Variants in PLXNB2 observed in about 807,000 individuals in gnomAD.
PLXNB2 encodes the protein plexin-B2.
A neutral mutation model predicts 202.6 loss-of-function variants in PLXNB2; 85 were observed. The ratio of observed to expected loss-of-function variants is 0.42; its 90% CI spans 0.35 to 0.50. The LOEUF (loss-of-function observed/expected upper bound fraction) is 0.50. Among genes scored for constraint, PLXNB2 ranks in the 20% least tolerant of loss-of-function variants. PLXNB2 has a pLI of 0.02. For synonymous variants in PLXNB2, 1,239 were observed against 1,137.6 expected, an observed-to-expected ratio of 1.09 and a Z score of -1.79; for missense variants, 2,063 against 2,586.2, an observed-to-expected ratio of 0.80 and a Z score of 4.39.
intron 26 of PLXNB2, 98 bp from the exon 27 acceptor site, chr22:50,279,874 G>A (rs951312416): frequency 5.4e-6 from 8 of 1,489,184 alleles, no homozygotes; most frequent in African/African-American, 1.4e-5. Context: ...GGCTGACCAT[G>A]TCAGGGGCAG....
intron 20 of PLXNB2, 43 bp downstream of exon 20, chr22:50,281,811 G>A (rs2066012513): frequency 2.5e-6 from 4 of 1,590,682 alleles, no homozygotes; most frequent in Non-Finnish European, 3.4e-6. Context: ...TCTCAGCCCA[G>A]ACCCGAGCAG....
At position 50,289,824 on chromosome 22, in the gene PLXNB2, G is replaced by A. The variant is rs1255644373; in HGVS notation, c.761C>T (p.Pro254Leu). 6.2e-7 allele frequency: 1 copy of A among 1,613,290 alleles called. No individual in the cohort carries two copies. Among genetic ancestry groups the A allele is most frequent in the South Asian group, 1.1e-5 (1 of 91,092 alleles). The change falls in exon 3 of 37, where the codon CCC becomes CTC. Residue 254 changes from proline (P) to leucine (L), a missense_variant. Physicochemically the swap from Pro to Leu is moderately conservative, Grantham distance 98. Around this residue, in one of 2 missense-constraint regions of PLXNB2, gnomAD observed 1,303 missense variants for 1,476.8 expected, o/e 0.88. Transcript: ENST00000359337. The surrounding 1 kb of genome is among the most constrained non-coding windows in gnomAD (Gnocchi z 8.0). ...CATCTCCAGGTAGGAGTAGTAGTTG[G>A]GGTCTTCTCTGCACATGCGTGCCAG... is the stretch of plus-strand genomic sequence containing the variant. Reference protein sequence around the residue: ...TLLARMCREDPNYYSYLEMDL... With the variant: ...TLLARMCREDLNYYSYLEMDL...
At chr22:50,279,984 C>T (rs1289816544) in intron 26 of PLXNB2, 21 bp downstream of exon 26, 1 of 1,584,198 alleles carries the variant, frequency 6.3e-7, no homozygotes, top group Non-Finnish European at 8.6e-7. Context: ...CAAGCCCCAG[C>T]CAGGCTGGGG....
At position 50,275,333 on chromosome 22, in the gene PLXNB2, C is replaced by T; in HGVS notation, c.*371G>A. The T allele has an allele frequency of 2.2e-6, 1 of 457,350 alleles. No individual in the cohort carries two copies. The highest frequency in any genetic ancestry group is 4.4e-6 in the Non-Finnish European group (1 of 229,648). 28.3% of individuals were successfully genotyped at this position (457,350 alleles called of 1,614,324 possible). On this transcript the variant is annotated 3_prime_UTR_variant, in exon 37 of 37. Transcript: ENST00000359337. Reference sequence around the variant, plus strand: ...CTGGGGGCCACAGGCCCTCAGATCCCCCAGGGGCCCAACCTAGGGCATGGA... The same window carrying T: ...CTGGGGGCCACAGGCCCTCAGATCCTCCAGGGGCCCAACCTAGGGCATGGA...
rs1022211560 is a variant in PLXNB2, at chr22:50,275,757, A to G, written c.5464T>C (p.Phe1822Leu). ...GCAGCGGCAATCTGCTGCAGGCGGA[A>G]GGCCAGCTGCATCTTCTGGGCGGCA... ...DPAAQKMQLA[F>L]RLQQIAAALE... Residue 1822 changes from phenylalanine (F) to leucine (L), a missense_variant, in exon 37 of 37, where the codon TTC becomes CTC. Phe to Leu is a conservative substitution (Grantham distance 22, BLOSUM62 0). Coordinates refer to ENST00000359337, the MANE Select transcript of PLXNB2 (RefSeq NM_012401.4). 6.2e-7 allele frequency: 1 copy of G among 1,612,256 alleles called. No individual in the cohort carries two copies. Among genetic ancestry groups the G allele is most frequent in the African/African-American group, 1.3e-5 (1 of 74,904 alleles).
intron 1 of PLXNB2, among the ~76,000 whole-genome samples, chr22:50,300,715 G>A (rs1347543319): frequency 6.6e-6 from 1 of 152,186 alleles, no homozygotes; most frequent in South Asian, 2.1e-4. Context: ...TTCCTACTTA[G>A]GGCCAGCCTC....
At chr22:50,287,880 A>G (rs1297155812) in intron 6 of PLXNB2, 57 bp downstream of exon 6, 20 of 1,587,958 alleles carry the variant, frequency 1.3e-5, no homozygotes, top group Non-Finnish European at 1.5e-5. Flanking sequence ...GACCCAGGCC[A>G]CGACCTTCCG....
rs1013814173 is a variant in PLXNB2 at position 50,297,214 on chromosome 22, G to A, written c.-73-2436C>T. Among the ~76,000 whole-genome samples the A allele has an allele frequency of 5.9e-5, 9 of 152,110 alleles. No individual in the cohort carries two copies. Among genetic ancestry groups the A allele is most frequent in the African/African-American group, 1.9e-4 (8 of 41,412 alleles). On this transcript the variant is annotated intron_variant, in intron 1 of 36. Transcript: ENST00000359337. The surrounding 1 kb of genome is among the most constrained non-coding windows in gnomAD (Gnocchi z 5.3). ...TGCCATCTTGAAGGGACGCCACACCGGCCTGTGTGCCCCATGCCCACTCCC... is the reference window on the plus strand; with the variant it reads ...TGCCATCTTGAAGGGACGCCACACCAGCCTGTGTGCCCCATGCCCACTCCC...
At position 50,283,597 on chromosome 22, in the gene PLXNB2, C is replaced by G; in HGVS notation, c.2570+5G>C. 6.2e-7 allele frequency: 1 copy of G among 1,612,496 alleles called. No individual in the cohort carries two copies. On this transcript the variant is annotated splice_donor_5th_base_variant and intron_variant, in intron 15 of 36. Transcript: ENST00000359337. ...ACAGGGCCCAGACCAGGGCCGTCCA[C>G]TCACCGGGTGGACACGGAGTAACGT...
intron 27 of PLXNB2, among the ~76,000 whole-genome samples, 155 bp from the exon 28 acceptor site, chr22:50,279,166 A>G (rs570671561): frequency 6.6e-6 from 1 of 152,344 alleles, no homozygotes; most frequent in African/African-American, 2.4e-5. Context: ...GAGGCTTCCC[A>G]GATGACCACA....
rs1368129076 is a variant in PLXNB2, at chr22:50,280,896, T to A, written c.3841A>T (p.Thr1281Ser). ...GIPVLDYKTY[T>S]DRVFFLPSKD... ...GAGGGCAGGAAGAAGACGCGGTCGG[T>A]GTAGGTCTTGTAGTCCAGCACGGGG... Residue 1281 changes from threonine to serine, a missense_variant, in exon 24 of 37, where the codon ACC becomes TCC. Physicochemically the swap from Thr to Ser is moderately conservative, Grantham distance 58. This residue lies in a region of PLXNB2 where 760 missense variants were observed against 1,109.4 expected (regional missense o/e 0.69). Coordinates refer to ENST00000359337, the MANE Select transcript of PLXNB2 (RefSeq NM_012401.4). 1 of 1,613,440 alleles carries A rather than the reference T, an allele frequency of 6.2e-7. No individual in the cohort carries two copies. Among genetic ancestry groups the A allele is most frequent in the African/African-American group, 1.3e-5 (1 of 74,996 alleles).
At chr22:50,282,138 C>T (rs747003792) in intron 19 of PLXNB2, 46 bp downstream of exon 19, 17 of 1,603,258 alleles carry the variant, frequency 1.1e-5, no homozygotes, top group Admixed American at 1.7e-5. Flanking sequence ...TTCCTGGGCA[C>T]GATCCCATGG....
rs1253558147 is a variant in PLXNB2, at chr22:50,289,415, G to GC, written c.1068+101dup. On this transcript the variant is annotated intron_variant, in intron 3 of 36. Transcript: ENST00000359337. The surrounding 1 kb of genome is among the most constrained non-coding windows in gnomAD (Gnocchi z 8.0). ...AGCGCCCAGGCTGGCGAGAGCCACG[G>GC]CCACACTGCTCACGTGCACCCTCCC... The GC allele has an allele frequency of 6.4e-6, 9 of 1,402,370 alleles. No homozygotes were observed. The highest frequency in any genetic ancestry group is 8.5e-6 in the Non-Finnish European group (9 of 1,058,260). 86.9% of individuals were successfully genotyped at this position (1,402,370 alleles called of 1,614,324 possible).
chr22:50,277,479 C>T, intron 33 of PLXNB2, 112 bp downstream of exon 33: 1 of 1,147,116 alleles, frequency 8.7e-7, no homozygotes, highest in Non-Finnish European at 1.2e-6. Flanking sequence ...ACATCAAGGG[C>T]TCCAGCCCAA....
At chr22:50,303,935 C>G (rs1378557819) in intron 1 of PLXNB2, among the ~76,000 whole-genome samples, 2 of 152,224 alleles carry the variant, frequency 1.3e-5, no homozygotes, top group Admixed American at 6.5e-5. Flanking sequence ...AGGAAGAGAG[C>G]TGGACCTGCC....
chr22:50,289,514 T>C lies in PLXNB2; in HGVS notation c.1068+3A>G. The C allele has an allele frequency of 6.2e-7, 1 of 1,605,582 alleles. No homozygotes were observed. Among genetic ancestry groups the C allele is most frequent in the Non-Finnish European group, 8.5e-7 (1 of 1,176,232 alleles). ...CCCTGCGAGAACACACTGAGGCCCATACCGGCGCGTGGCCGCCGCACTGGA... is the reference window on the plus strand; with the variant it reads ...CCCTGCGAGAACACACTGAGGCCCACACCGGCGCGTGGCCGCCGCACTGGA... On this transcript the variant is annotated splice_donor_region_variant and intron_variant, in intron 3 of 36. Coordinates refer to ENST00000359337, the MANE Select transcript of PLXNB2 (RefSeq NM_012401.4). The surrounding 1 kb of genome is among the most constrained non-coding windows in gnomAD (Gnocchi z 8.0).
intron 2 of PLXNB2, among the ~76,000 whole-genome samples, chr22:50,294,303 G>C (rs925430049): frequency 2.0e-5 from 3 of 152,214 alleles, no homozygotes; most frequent in Non-Finnish European, 2.9e-5. Context: ...CTGCTGCTGG[G>C]CAGGGAAGCT....
In PLXNB2 at chr22:50,282,079, C is replaced by G. The variant is rs113561946; in HGVS notation, c.3120G>C (p.Val1040=). 6.2e-6 allele frequency: 10 copies of G among 1,610,048 alleles called. No homozygotes were observed. Among genetic ancestry groups the G allele is most frequent in the Non-Finnish European group, 8.5e-6 (10 of 1,179,352 alleles). Residue 1040 remains valine (V), a splice_region_variant and synonymous_variant, in exon 20 of 37, where the codon GTG becomes GTC. Transcript: ENST00000359337. Reference sequence around the variant, plus strand: ...TGTGGAACACGTAGTCTGTACCCACCACCTGCAGGCAAGTCCCAGCTGTCA... The same window carrying G: ...TGTGGAACACGTAGTCTGTACCCACGACCTGCAGGCAAGTCCCAGCTGTCA... ...REAESLQPMT[V]VGTDYVFHND...
chr22:50,304,014 G>C (rs2067798935), intron 1 of PLXNB2, among the ~76,000 whole-genome samples: 1 of 152,334 alleles, frequency 6.6e-6, no homozygotes, highest in Non-Finnish European at 1.5e-5. Flanking sequence ...AGGCAGCTCA[G>C]GTGTGGCCTT....
Sources: gnomAD v4.1 joint callset for allele counts (sites outside exome capture counted in the v4.1 genomes callset) on GRCh38, gnomAD v4.1.1 for gene constraint, gnomAD v4.1.1 regional missense constraint, Gnocchi (gnomAD v3.1) non-coding constraint, MANE v1.5 for transcripts, NCBI Gene and HGNC (gene_info 2026-07-23, HGNC 2026-07-21) for gene names.